STXBP5L: variants seen among roughly 807,000 people sequenced by gnomAD.
STXBP5L encodes syntaxin binding protein 5L.
STXBP5L carries 65 observed loss-of-function variants against 144.5 expected under a neutral mutation model. The observed-to-expected ratio is 0.45, with a 90% CI of 0.37 to 0.55. STXBP5L has a LOEUF of 0.55. STXBP5L is among the 20% of genes least tolerant of loss of function. STXBP5L has a pLI of 0.00. For synonymous variants in STXBP5L, 505 were observed against 469.6 expected, an observed-to-expected ratio of 1.08 and a Z score of -0.97; for missense variants, 1,298 against 1,405.5, an observed-to-expected ratio of 0.92 and a Z score of 1.22.
chr3:120,958,963 T>G (rs1938389451), intron 3 of STXBP5L, among the ~76,000 whole-genome samples: 1 of 152,222 alleles, frequency 6.6e-6, no homozygotes, highest in South Asian at 2.1e-4. Flanking sequence ...GGAATTCAAA[T>G]TGTCCCTGTT....
At chr3:121,077,868 G>T (rs1214067192) in intron 5 of STXBP5L, among the ~76,000 whole-genome samples, 3 of 152,142 alleles carry the variant, frequency 2.0e-5, no homozygotes, top group Non-Finnish European at 4.4e-5. Context: ...ACAGGGTGCT[G>T]ATTGGTGTGT....
intron 20 of STXBP5L, among the ~76,000 whole-genome samples, chr3:121,363,658 GT>G (rs1469105735): frequency 6.6e-6 from 1 of 151,784 alleles, no homozygotes; most frequent in Admixed American, 6.6e-5. Flanking sequence ...ATTCAGAACT[GT>G]TTTTTCTATC....
chr3:121,230,470 A>AT (rs1286525803), intron 11 of STXBP5L, among the ~76,000 whole-genome samples: 8 of 146,856 alleles, frequency 5.4e-5, no homozygotes, highest in Non-Finnish European at 1.2e-4. Flanking sequence ...GTATTTGTCT[A>AT]TATCGGGCAA....
chr3:120,998,203 A>G (rs559895346), intron 3 of STXBP5L, among the ~76,000 whole-genome samples: 2 of 152,242 alleles, frequency 1.3e-5, no homozygotes, highest in South Asian at 2.1e-4. Context: ...TACCACTCCA[A>G]TTCAACATAG....
At chr3:121,255,174 A>G in intron 16 of STXBP5L, 62 bp downstream of exon 16, 1 of 1,264,516 alleles carries the variant, frequency 7.9e-7, no homozygotes, top group Non-Finnish European at 1.1e-6. Flanking sequence ...ATTATCATAG[A>G]TTTGACTACT....
chr3:121,229,798 C>T (rs2049244028), intron 11 of STXBP5L, among the ~76,000 whole-genome samples: 1 of 152,142 alleles, frequency 6.6e-6, no homozygotes. Context: ...AAACAATCCT[C>T]CCACCTTAGC....
chr3:120,996,140 A>G (rs1943328487), intron 3 of STXBP5L, among the ~76,000 whole-genome samples: 1 of 151,994 alleles, frequency 6.6e-6, no homozygotes, highest in South Asian at 2.1e-4. Context: ...TTTTATTTGT[A>G]ATACAGTATT....
chr3:121,230,012 T>A (rs1030967670), intron 11 of STXBP5L, among the ~76,000 whole-genome samples: 1 of 152,236 alleles, frequency 6.6e-6, no homozygotes, highest in East Asian at 1.9e-4. Context: ...TTTATCGTAT[T>A]TGAAAATGAC....
rs531957806 is a variant in STXBP5L at position 121,050,609 on chromosome 3, G to A, written c.470+5074G>A. On this transcript the variant is annotated intron_variant, in intron 5 of 26. Coordinates refer to ENST00000471454, the MANE Select transcript of STXBP5L (RefSeq NM_001308330.2). Reference sequence around the variant, plus strand: ...GCACTAAACATGGAAAGGAACAACCGGTACCAGCCACTGCAAAAATATGCC... The same window carrying A: ...GCACTAAACATGGAAAGGAACAACCAGTACCAGCCACTGCAAAAATATGCC... Among the ~76,000 whole-genome samples, 388 of 152,164 alleles carry A rather than the reference G, an allele frequency of 2.5e-3. 2 individuals carry two copies. Among genetic ancestry groups the A allele is most frequent in the African/African-American group, 8.3e-3 (343 of 41,508 alleles).
intron 10 of STXBP5L, among the ~76,000 whole-genome samples, chr3:121,215,786 C>T (rs1385434275): frequency 6.6e-6 from 1 of 152,180 alleles, no homozygotes; most frequent in Non-Finnish European, 1.5e-5. Flanking sequence ...GGATAATATC[C>T]TGAAGAGTGT....
At chr3:121,381,643 C>A in intron 22 of STXBP5L, 111 bp downstream of exon 22, 1 of 1,373,704 alleles carries the variant, frequency 7.3e-7, no homozygotes, top group Non-Finnish European at 9.8e-7. Flanking sequence ...AAGTATTCTG[C>A]ACAATGGGAA....
chr3:121,166,918 C>T (rs1239398956), intron 9 of STXBP5L, among the ~76,000 whole-genome samples: 1 of 152,150 alleles, frequency 6.6e-6, no homozygotes, highest in African/African-American at 2.4e-5. Flanking sequence ...AACTAGAGAA[C>T]TTGGGTAAAT....
chr3:120,965,340 G>C (rs1939430152), intron 3 of STXBP5L, among the ~76,000 whole-genome samples: 1 of 152,146 alleles, frequency 6.6e-6, no homozygotes. Flanking sequence ...TGGTTGTTTT[G>C]TCAGCTAATT....
intron 3 of STXBP5L, among the ~76,000 whole-genome samples, chr3:121,022,683 G>GA (rs1945648073): frequency 6.6e-6 from 1 of 152,068 alleles, no homozygotes. Flanking sequence ...AATAGACACA[G>GA]AAAAGGCATT....
intron 20 of STXBP5L, among the ~76,000 whole-genome samples, chr3:121,348,389 G>A (rs988643356): frequency 6.6e-6 from 1 of 152,112 alleles, no homozygotes; most frequent in Admixed American, 6.6e-5. Flanking sequence ...TTGTGTCGAT[G>A]TTCATCAGGG....
At chr3:121,175,929 T>G (rs2046915959) in intron 9 of STXBP5L, among the ~76,000 whole-genome samples, 1 of 149,982 alleles carries the variant, frequency 6.7e-6, no homozygotes, top group Non-Finnish European at 1.5e-5. Context: ...ATTTCAACAA[T>G]GTAGATATAA....
At chr3:121,199,119 A>G (rs879708794) in intron 9 of STXBP5L, among the ~76,000 whole-genome samples, 6 of 152,116 alleles carry the variant, frequency 3.9e-5, no homozygotes, top group Admixed American at 1.3e-4. Context: ...CCATGAGCAT[A>G]CAATTTTTTT....
intron 9 of STXBP5L, among the ~76,000 whole-genome samples, chr3:121,204,088 A>T (rs531190174): frequency 1.2e-4 from 19 of 152,172 alleles, no homozygotes; most frequent in Admixed American, 1.0e-3. Flanking sequence ...AAATACAAAA[A>T]ATTAGCCGGG....
intron 12 of STXBP5L, 126 bp from the exon 13 acceptor site, chr3:121,238,845 A>T (rs1023544163): frequency 2.2e-6 from 2 of 911,976 alleles, no homozygotes; most frequent in Non-Finnish European, 3.0e-6. Context: ...TTCTTGTTTT[A>T]TGGTACTTAA....
Sources: gnomAD v4.1 joint callset for allele counts (sites outside exome capture counted in the v4.1 genomes callset) on GRCh38, gnomAD v4.1.1 for gene constraint, MANE v1.5 for transcripts, NCBI Gene and HGNC (gene_info 2026-07-23, HGNC 2026-07-21) for gene names.